Variants in TRMT1L observed in about 807,000 individuals in gnomAD.
The protein encoded by TRMT1L is tRNA (guanine(27)-N(2))-dimethyltransferase.
A neutral mutation model predicts 81.6 loss-of-function variants in TRMT1L; 28 were observed. That is an observed-to-expected ratio of 0.34 (90% CI 0.25 to 0.47). TRMT1L has a LOEUF of 0.47. TRMT1L is among the 20% of genes least tolerant of loss of function. The pLI, the probability that TRMT1L is intolerant of heterozygous loss-of-function variation, is 1.00. For synonymous variants in TRMT1L, 301 were observed against 303.2 expected, an observed-to-expected ratio of 0.99 and a Z score of 0.07; for missense variants, 739 against 877.1, an observed-to-expected ratio of 0.84 and a Z score of 1.99.
At position 185,121,386 on chromosome 1, in the gene TRMT1L, T is replaced by C. The variant is rs143430501; in HGVS notation, c.1823-877A>G. The stretch of plus-strand genomic sequence containing the variant: ...TACTTGGGAGGCTGAGGTGGCAGGA[T>C]GGCTTGAGCCTAGGAGTTTGAGTCT... On this transcript the variant is annotated intron_variant, in intron 13 of 14. Coordinates refer to ENST00000367506, the MANE Select transcript of TRMT1L (RefSeq NM_030934.5). Among the ~76,000 whole-genome samples the C allele has an allele frequency of 5.0e-4, 76 of 152,100 alleles. No individual in the cohort carries two copies. In the East Asian group the frequency reaches 0.014, roughly 29 times the overall value.
At position 185,133,613 on chromosome 1, in the gene TRMT1L, T is replaced by C. The variant is rs1652825916; in HGVS notation, c.1513+3993A>G. 2.6e-5 allele frequency among the ~76,000 whole-genome samples: 4 copies of C among 151,238 alleles called. No homozygotes were observed. The South Asian group carries it at 8.3e-4, about 31-fold the overall frequency. ...CTGACTTGCTTTTTTTTTTTTTTTTTAAGAGATGGCATCTTGCTCTGTCAC... is the reference window on the plus strand; with the variant it reads ...CTGACTTGCTTTTTTTTTTTTTTTTCAAGAGATGGCATCTTGCTCTGTCAC... On this transcript the variant is annotated intron_variant, in intron 10 of 14. Coordinates refer to ENST00000367506, the MANE Select transcript of TRMT1L (RefSeq NM_030934.5).
At chr1:185,131,611 T>G (rs1244536583) in intron 10 of TRMT1L, among the ~76,000 whole-genome samples, 2 of 147,682 alleles carry the variant, frequency 1.4e-5, no homozygotes, top group Non-Finnish European at 3.0e-5. Context: ...AAAGGAACAG[T>G]GAAAAAATAT....
At chr1:185,129,423 T>C (rs1358787680) in intron 10 of TRMT1L, among the ~76,000 whole-genome samples, 1 of 152,206 alleles carries the variant, frequency 6.6e-6, no homozygotes, top group Admixed American at 6.5e-5. Flanking sequence ...CCTGATATAA[T>C]CACAAGGAAA....
intron 11 of TRMT1L, 103 bp downstream of exon 11, chr1:185,128,566 A>G: frequency 1.8e-6 from 2 of 1,094,358 alleles, no homozygotes; most frequent in South Asian, 1.3e-5. Flanking sequence ...TAGACTTAAC[A>G]ATTGAATTTA....
At chr1:185,131,729 C>A (rs1652776148) in intron 10 of TRMT1L, among the ~76,000 whole-genome samples, 1 of 152,022 alleles carries the variant, frequency 6.6e-6, no homozygotes, top group African/African-American at 2.4e-5. Flanking sequence ...AAGAGATGAA[C>A]CGTATAGATA....
At chr1:185,156,331 G>A in intron 1 of TRMT1L, 147 bp downstream of exon 1, 2 of 1,561,044 alleles carry the variant, frequency 1.3e-6, no homozygotes, top group Non-Finnish European at 1.7e-6. Context: ...TGCTTTAGCC[G>A]CTACACGGGC....
intron 5 of TRMT1L, among the ~76,000 whole-genome samples, chr1:185,144,475 T>A (rs1314697851): frequency 1.3e-5 from 2 of 151,996 alleles, no homozygotes; most frequent in Non-Finnish European, 2.9e-5. Flanking sequence ...TTAGCTAGCA[T>A]GGCTTACTAA....
At chr1:185,148,667 G>A (rs1196075874) in intron 3 of TRMT1L, among the ~76,000 whole-genome samples, 1 of 152,082 alleles carries the variant, frequency 6.6e-6, no homozygotes, top group Non-Finnish European at 1.5e-5. Context: ...CAAACCTAAA[G>A]GCTAAACAAT....
At chr1:185,140,454 T>A (rs1206124804) in intron 7 of TRMT1L, among the ~76,000 whole-genome samples, 1 of 152,188 alleles carries the variant, frequency 6.6e-6, no homozygotes, top group Non-Finnish European at 1.5e-5. Flanking sequence ...CTTGTTCAAA[T>A]AAAATCTCTA....
chr1:185,135,780 A>G (rs1489361503), intron 10 of TRMT1L, among the ~76,000 whole-genome samples: 1 of 152,142 alleles, frequency 6.6e-6, no homozygotes, highest in African/African-American at 2.4e-5. Flanking sequence ...TCAAAGCCCA[A>G]CTAAAATTAT....
Position 185,150,473 on chromosome 1 carries a change from T to C in TRMT1L, c.366A>G (p.Pro122=), listed in dbSNP as rs35672755. ...NLDAGNRQAC[P]LCPKEKFRAC... Reference sequence around the variant, plus strand: ...CTCTGAATTTTTCCTTAGGGCACAATGGACAAGCCTGTCTGTTGCCTTAAA... The same window carrying C: ...CTCTGAATTTTTCCTTAGGGCACAACGGACAAGCCTGTCTGTTGCCTTAAA... Residue 122 remains proline, a synonymous_variant, in exon 3 of 15, where the codon CCA becomes CCG. Coordinates refer to ENST00000367506, the MANE Select transcript of TRMT1L (RefSeq NM_030934.5). 1 of 1,610,182 alleles carries C rather than the reference T, an allele frequency of 6.2e-7. No individual in the cohort carries two copies. Among genetic ancestry groups the C allele is most frequent in the Non-Finnish European group, 8.5e-7 (1 of 1,178,234 alleles).
At chr1:185,139,058 T>TCC (rs1166212614) in intron 9 of TRMT1L, among the ~76,000 whole-genome samples, 1 of 152,256 alleles carries the variant, frequency 6.6e-6, no homozygotes, top group Non-Finnish European at 1.5e-5. Context: ...TTTTTGCTTT[T>TCC]CCTTTCATAT....
intron 5 of TRMT1L, 152 bp downstream of exon 5, chr1:185,145,287 C>G (rs1653158572): frequency 1.3e-6 from 1 of 750,176 alleles, no homozygotes; most frequent in Non-Finnish European, 2.0e-6. Context: ...GGAGACCTTA[C>G]AGAAAGAAAC....
intron 2 of TRMT1L, among the ~76,000 whole-genome samples, 173 bp downstream of exon 2, chr1:185,151,652 A>T (rs1342168496): frequency 6.6e-6 from 1 of 152,192 alleles, no homozygotes; most frequent in African/African-American, 2.4e-5. Context: ...TTATTTCCAT[A>T]GCAACTTTGC....
intron 1 of TRMT1L, among the ~76,000 whole-genome samples, chr1:185,153,581 G>C (rs1478172475): frequency 6.6e-6 from 1 of 152,094 alleles, no homozygotes; most frequent in Non-Finnish European, 1.5e-5. Flanking sequence ...GAATTGGAAG[G>C]GGAAAGGAAA....
intron 11 of TRMT1L, among the ~76,000 whole-genome samples, chr1:185,127,868 C>T (rs1242924361): frequency 6.6e-6 from 1 of 150,842 alleles, no homozygotes; most frequent in Admixed American, 6.6e-5. Flanking sequence ...AATCCTAGTA[C>T]TTTGGGAGGC....
intron 13 of TRMT1L, among the ~76,000 whole-genome samples, chr1:185,121,110 T>C (rs1652490619): frequency 6.6e-6 from 1 of 152,208 alleles, no homozygotes; most frequent in Admixed American, 6.5e-5. Context: ...AGTTTTTTCA[T>C]TTTGAGTGAA....
chr1:185,148,879 C>T (rs1315476591), intron 3 of TRMT1L, among the ~76,000 whole-genome samples: 1 of 152,154 alleles, frequency 6.6e-6, no homozygotes, highest in Non-Finnish European at 1.5e-5. Context: ...ATAGTTCCAG[C>T]ATAGTTCCGA....
intron 3 of TRMT1L, among the ~76,000 whole-genome samples, chr1:185,148,322 CCA>C (rs1279076834): frequency 6.6e-6 from 1 of 152,144 alleles, no homozygotes; most frequent in Non-Finnish European, 1.5e-5. Flanking sequence ...GCCTTCTTTC[CCA>C]CACTTGGTCC....
Sources: allele counts gnomAD v4.1 joint callset (sites outside exome capture counted in the v4.1 genomes callset), GRCh38; gene constraint gnomAD v4.1.1; transcripts MANE v1.5; gene names NCBI Gene and HGNC (gene_info 2026-07-23, HGNC 2026-07-21).